HEG1: variants seen among roughly 807,000 people sequenced by gnomAD.
The protein encoded by HEG1 is heart development protein with EGF like domains 1.
In HEG1, 56 loss-of-function variants were observed where a neutral mutation model predicts 125.6. The ratio of observed to expected loss-of-function variants is 0.45; its 90% CI spans 0.36 to 0.56. The LOEUF (loss-of-function observed/expected upper bound fraction) is 0.56. HEG1 is among the 20% of genes least tolerant of loss of function. HEG1 has a pLI of 0.00. For missense variants in HEG1, 1,523 were observed against 1,670.0 expected (o/e 0.91, Z 1.53); for synonymous variants, 644 against 668.5 (o/e 0.96, Z 0.57).
rs183099809 is a variant in HEG1, at chr3:124,978,763, T to G, written c.3734-817A>C. Among the ~76,000 whole-genome samples, 78 of 151,000 alleles carry G rather than the reference T, an allele frequency of 5.2e-4. 1 individual carries two copies. The East Asian group carries it at 0.015, about 28-fold the overall frequency. ...TTGCTGTGAGCCGAGATCAAACCAC[T>G]GCACTCCAGCCTGGGTGACACAGTG... On this transcript the variant is annotated intron_variant, in intron 14 of 16. Transcript: ENST00000311127.
chr3:125,049,825 A>C (rs996751801), intron 1 of HEG1, among the ~76,000 whole-genome samples: 1 of 152,182 alleles, frequency 6.6e-6, no homozygotes, highest in African/African-American at 2.4e-5. Flanking sequence ...GCAGATATGT[A>C]TGTGGTTCAT....
At chr3:125,039,782 C>G (rs976376656) in intron 1 of HEG1, among the ~76,000 whole-genome samples, 2 of 150,424 alleles carry the variant, frequency 1.3e-5, no homozygotes, top group Admixed American at 6.6e-5. Context: ...CTCATTCCAT[C>G]ACACTCCAGC....
intron 3 of HEG1, among the ~76,000 whole-genome samples, chr3:125,022,088 CCT>C (rs1937344177): frequency 6.6e-6 from 1 of 152,070 alleles, no homozygotes; most frequent in Admixed American, 6.5e-5. Flanking sequence ...CAAAGGATGC[CCT>C]GAGAACTGAC....
At chr3:125,042,194 G>T (rs1388223572) in intron 1 of HEG1, among the ~76,000 whole-genome samples, 1 of 152,184 alleles carries the variant, frequency 6.6e-6, no homozygotes, top group Non-Finnish European at 1.5e-5. Context: ...TTGGGAGGCC[G>T]AGGCGGGTGG....
rs189806492 is a variant in HEG1, at chr3:125,046,640, C to T, written c.316+8935G>A. Among the ~76,000 whole-genome samples, 403 of 152,236 alleles carry T rather than the reference C, an allele frequency of 2.6e-3. 1 individual carries two copies. Among genetic ancestry groups the T allele is most frequent in the African/African-American group, 9.2e-3 (381 of 41,540 alleles). ...GAGTTTCCTGAATAATGATACATTT[C>T]CATCCCTTGATAATGATGTTGGATT... On this transcript the variant is annotated intron_variant, in intron 1 of 16. Coordinates refer to ENST00000311127, the MANE Select transcript of HEG1 (RefSeq NM_020733.2).
At chr3:125,011,950 G>A (rs1226512392) in intron 6 of HEG1, among the ~76,000 whole-genome samples, 1 of 152,160 alleles carries the variant, frequency 6.6e-6, no homozygotes. Flanking sequence ...CTTCAACGTG[G>A]CTACAAAAAC....
intron 9 of HEG1, among the ~76,000 whole-genome samples, chr3:125,003,591 T>C (rs1239976697): frequency 6.6e-6 from 1 of 152,206 alleles, no homozygotes; most frequent in African/African-American, 2.4e-5. Context: ...TGCTGGGCCA[T>C]GCCAGAGAGT....
chr3:124,982,688 T>C (rs755962163), intron 14 of HEG1, among the ~76,000 whole-genome samples: 3 of 152,206 alleles, frequency 2.0e-5, no homozygotes, highest in Non-Finnish European at 4.4e-5. Context: ...ATATGCTTAT[T>C]TGGATGGGAT....
chr3:125,031,346 C>A lies in HEG1; in HGVS notation c.317-1858G>T, dbSNP rs142754411. Among the ~76,000 whole-genome samples the A allele has an allele frequency of 3.7e-3, 562 of 152,248 alleles. 1 individual carries two copies. Among genetic ancestry groups the A allele is most frequent in the Non-Finnish European group, 6.6e-3 (450 of 68,020 alleles). ...AGCATTCTGAGAACACTGTCCTTTC[C>A]CCATACATCCAAACTAATTTGGAAT... is the stretch of plus-strand genomic sequence containing the variant. On this transcript the variant is annotated intron_variant, in intron 1 of 16. Coordinates refer to ENST00000311127, the MANE Select transcript of HEG1 (RefSeq NM_020733.2).
At chr3:125,043,580 C>T (rs897038993) in intron 1 of HEG1, among the ~76,000 whole-genome samples, 2 of 152,308 alleles carry the variant, frequency 1.3e-5, no homozygotes, top group Non-Finnish European at 2.9e-5. Flanking sequence ...TTCTTTGCCC[C>T]TCTCATCCTT....
Position 125,005,269 on chromosome 3 carries a change from T to G in HEG1, c.3293A>C (p.Lys1098Thr). 6.4e-7 allele frequency: 1 copy of G among 1,572,942 alleles called. No homozygotes were observed. The highest frequency in any genetic ancestry group is 2.2e-5 in the East Asian group (1 of 44,578). Residue 1098 changes from lysine to threonine, a missense_variant, in exon 9 of 17, where the codon AAA (lysine) becomes ACA (threonine). Transcript: ENST00000311127. ...DLQEVENEIT[K>T]TLNMCFSALP... ...GATGCCATTCAGGACACTTACCGTTTTGGTGATCTCATTTTCAACTTCTTG... is the reference window on the plus strand; with the variant it reads ...GATGCCATTCAGGACACTTACCGTTGTGGTGATCTCATTTTCAACTTCTTG...
rs375863855 is a variant in HEG1, at chr3:124,990,528, G to A, written c.3733+259C>T. Reference sequence around the variant, plus strand: ...TAATTTTTGTATTTTTACTAGAGACGGGCTTTCACCATGTTGGCCAGAATG... The same window carrying A: ...TAATTTTTGTATTTTTACTAGAGACAGGCTTTCACCATGTTGGCCAGAATG... On this transcript the variant is annotated intron_variant, in intron 14 of 16. Coordinates refer to ENST00000311127, the MANE Select transcript of HEG1 (RefSeq NM_020733.2). 9.2e-5 allele frequency among the ~76,000 whole-genome samples: 14 copies of A among 152,140 alleles called. No homozygotes were observed. In the East Asian group the frequency reaches 1.7e-3, roughly 19 times the overall value.
intron 1 of HEG1, among the ~76,000 whole-genome samples, chr3:125,034,338 G>C (rs1404362622): frequency 6.6e-6 from 1 of 152,048 alleles, no homozygotes; most frequent in Non-Finnish European, 1.5e-5. Context: ...AGACAAAGAA[G>C]TATACAAAAT....
chr3:124,987,676 A>G (rs1278532093), intron 14 of HEG1, among the ~76,000 whole-genome samples: 1 of 151,300 alleles, frequency 6.6e-6, no homozygotes, highest in African/African-American at 2.4e-5. Context: ...GCTCGCCACC[A>G]TGCCCAGCTA....
At chr3:124,983,755 G>A (rs183368854) in intron 14 of HEG1, among the ~76,000 whole-genome samples, 52 of 152,118 alleles carry the variant, frequency 3.4e-4, no homozygotes, top group Non-Finnish European at 6.0e-4. Context: ...GAACATACCC[G>A]GTGCCCACCA....
intron 1 of HEG1, among the ~76,000 whole-genome samples, chr3:125,033,085 A>G (rs1405605144): frequency 6.6e-6 from 1 of 152,252 alleles, no homozygotes; most frequent in African/African-American, 2.4e-5. Context: ...ACTGAAAGGT[A>G]GACAACAGTC....
chr3:125,048,505 G>T (rs559820022), intron 1 of HEG1, among the ~76,000 whole-genome samples: 1 of 152,238 alleles, frequency 6.6e-6, no homozygotes, highest in Non-Finnish European at 1.5e-5. Context: ...GCTATAGGCA[G>T]GGGGATGCCA....
At chr3:124,992,710 G>T (rs1936854032) in intron 12 of HEG1, among the ~76,000 whole-genome samples, 1 of 152,230 alleles carries the variant, frequency 6.6e-6, no homozygotes, top group Admixed American at 6.5e-5. Context: ...CTTAATGTTA[G>T]CAGCTGAATG....
chr3:124,975,053 A>T (rs1936510154), intron 15 of HEG1, among the ~76,000 whole-genome samples: 1 of 152,198 alleles, frequency 6.6e-6, no homozygotes, highest in Non-Finnish European at 1.5e-5. Context: ...CCCTCTAGGT[A>T]ACCATTCCTA....
Sources: allele counts gnomAD v4.1 joint callset (sites outside exome capture counted in the v4.1 genomes callset), GRCh38; gene constraint gnomAD v4.1.1; transcripts MANE v1.5; gene names NCBI Gene and HGNC (gene_info 2026-07-23, HGNC 2026-07-21).